Variants in SNX13 observed in about 807,000 individuals in gnomAD.
SNX13 encodes the protein sorting nexin 13, also known as sorting nexin-13.
SNX13 carries 45 observed loss-of-function variants against 133.6 expected under a neutral mutation model. That is an observed-to-expected ratio of 0.34 (90% CI 0.27 to 0.43). The LOEUF (loss-of-function observed/expected upper bound fraction) is 0.43, where lower values mean the gene tolerates loss of function less well. Among genes scored for constraint, SNX13 ranks in the 20% least tolerant of loss-of-function variants. The pLI is 1.00. For missense variants in SNX13, 1,032 were observed against 1,145.1 expected, an observed-to-expected ratio of 0.90 and a Z score of 1.43; for synonymous variants, 414 against 373.9, an observed-to-expected ratio of 1.11 and a Z score of -1.24.
Position 17,793,427 on chromosome 7 carries a change from TTTGA to T in SNX13, c.*614_*617del. ...ATAACAAATCCAATCAAATTCTGTG[TTTGA>T]TTGGTTTTATTTTATACTCAGCTTT... On this transcript the variant is annotated 3_prime_UTR_variant, in exon 26 of 26. Coordinates refer to ENST00000428135, the MANE Select transcript of SNX13 (RefSeq NM_015132.5). 6.6e-6 allele frequency: 1 copy of T among 151,944 alleles called. No homozygotes were observed. Among genetic ancestry groups the T allele is most frequent in the South Asian group, 2.1e-4 (1 of 4,824 alleles). The allele number at this position is 151,944 out of a possible 1,614,324, so 9.4% of individuals were successfully genotyped here.
rs1467821796 is a variant in SNX13, at chr7:17,868,487, T to C, written c.757A>G (p.Ile253Val). The C allele has an allele frequency of 1.2e-6, 2 of 1,600,980 alleles. No homozygotes were observed. The highest frequency in any genetic ancestry group is 1.7e-6 in the Non-Finnish European group (2 of 1,175,052). ...GGAAGAAGAATTCCTCGTGCAAGGA[T>C]TTCCTGAAAAAAAAGTAAATAACAA... is the stretch of plus-strand genomic sequence containing the variant. ...NKIMRYFVRE[I>V]LARGILLPLI... Residue 253 changes from isoleucine to valine, a missense_variant, in exon 9 of 26, where the codon ATC becomes GTC. Transcript: ENST00000428135.
chr7:17,883,688 T>C (rs1795632197), intron 5 of SNX13, among the ~76,000 whole-genome samples: 1 of 152,106 alleles, frequency 6.6e-6, no homozygotes, highest in Admixed American at 6.6e-5. Flanking sequence ...ATTAGGTACT[T>C]ATCCTAATGC....
chr7:17,798,956 G>T, intron 23 of SNX13, 53 bp downstream of exon 23: 1 of 1,557,138 alleles, frequency 6.4e-7, no homozygotes, highest in South Asian at 1.2e-5. Flanking sequence ...CCAGAAGTAA[G>T]AGTTTAATAG....
chr7:17,836,230 T>C (rs1789116320), intron 13 of SNX13, among the ~76,000 whole-genome samples: 1 of 151,884 alleles, frequency 6.6e-6, no homozygotes, highest in East Asian at 1.9e-4. Flanking sequence ...AAATAATACT[T>C]ATATGGCCAG....
intron 12 of SNX13, among the ~76,000 whole-genome samples, chr7:17,844,749 A>C (rs911158708): frequency 6.6e-6 from 1 of 151,824 alleles, no homozygotes; most frequent in African/African-American, 2.4e-5. Context: ...GAACATACAA[A>C]AAAAAAAAAA....
At chr7:17,871,120 C>G (rs1273970857) in intron 8 of SNX13, among the ~76,000 whole-genome samples, 5 of 151,980 alleles carry the variant, frequency 3.3e-5, no homozygotes, top group Non-Finnish European at 7.4e-5. Flanking sequence ...ATTCTCCTGC[C>G]TCAGCCTCCC....
chr7:17,930,600 A>T (rs1186531443), intron 1 of SNX13, among the ~76,000 whole-genome samples: 1 of 152,196 alleles, frequency 6.6e-6, no homozygotes, highest in Non-Finnish European at 1.5e-5. Flanking sequence ...AATACTCTCA[A>T]GTCTACTTGG....
chr7:17,894,473 A>G (rs1562484211), intron 2 of SNX13, among the ~76,000 whole-genome samples: 1 of 152,216 alleles, frequency 6.6e-6, no homozygotes, highest in East Asian at 1.9e-4. Context: ...CAGAATACAT[A>G]AAGGCTATTT....
intron 1 of SNX13, among the ~76,000 whole-genome samples, chr7:17,919,941 G>C (rs929778007): frequency 6.6e-6 from 1 of 152,022 alleles, no homozygotes; most frequent in African/African-American, 2.4e-5. Context: ...AACCAGCCTA[G>C]GCAACAGTGT....
chr7:17,920,843 T>C (rs1455100047), intron 1 of SNX13, among the ~76,000 whole-genome samples: 1 of 152,220 alleles, frequency 6.6e-6, no homozygotes, highest in Non-Finnish European at 1.5e-5. Flanking sequence ...GTGAAACCTA[T>C]AAATAGTTGC....
intron 12 of SNX13, among the ~76,000 whole-genome samples, chr7:17,844,802 T>A (rs1486701924): frequency 1.3e-5 from 2 of 151,072 alleles, no homozygotes; most frequent in Admixed American, 1.3e-4. Flanking sequence ...AAACACCACA[T>A]CTTAATTGAT....
intron 15 of SNX13, chr7:17,831,066 C>T (rs1788433158): frequency 1.0e-6 from 1 of 984,188 alleles, no homozygotes; most frequent in African/African-American, 1.8e-5. Flanking sequence ...CAATTATATG[C>T]CTCCTACCTC....
At chr7:17,857,340 T>C (rs1243121463) in intron 9 of SNX13, among the ~76,000 whole-genome samples, 1 of 152,186 alleles carries the variant, frequency 6.6e-6, no homozygotes. Flanking sequence ...TTCTATTCAA[T>C]GTTTCCAAAA....
intron 9 of SNX13, among the ~76,000 whole-genome samples, chr7:17,857,201 C>G (rs1168450431): frequency 6.6e-6 from 1 of 152,082 alleles, no homozygotes; most frequent in East Asian, 1.9e-4. Context: ...AATAGAAAAT[C>G]TGAACAGTCC....
intron 1 of SNX13, 145 bp downstream of exon 1, chr7:17,940,139 C>A (rs1351581353): frequency 6.4e-6 from 7 of 1,086,056 alleles, no homozygotes; most frequent in Non-Finnish European, 9.5e-6. Flanking sequence ...TCTGAGGGCA[C>A]TTGTAGGATC....
intron 22 of SNX13, among the ~76,000 whole-genome samples, chr7:17,800,590 G>C (rs912903063): frequency 2.0e-5 from 3 of 151,692 alleles, no homozygotes; most frequent in African/African-American, 7.3e-5. Context: ...CCCTGCAATA[G>C]GCACAGATAA....
chr7:17,890,844 G>C (rs1442081822), intron 4 of SNX13, among the ~76,000 whole-genome samples: 3 of 151,800 alleles, frequency 2.0e-5, no homozygotes, highest in Non-Finnish European at 2.9e-5. Context: ...AATGGAATGA[G>C]ATGTAAAATA....
At chr7:17,884,315 C>CACCT (rs1263708513) in intron 5 of SNX13, among the ~76,000 whole-genome samples, 2 of 152,108 alleles carry the variant, frequency 1.3e-5, no homozygotes, top group African/African-American at 4.8e-5. Flanking sequence ...AAGAAAATTA[C>CACCT]ATTTTACAAA....
At chr7:17,934,099 T>C (rs1801743020) in intron 1 of SNX13, among the ~76,000 whole-genome samples, 1 of 152,218 alleles carries the variant, frequency 6.6e-6, no homozygotes, top group South Asian at 2.1e-4. Context: ...TCACTATCAC[T>C]CCAGCCTATT....
Sources: gnomAD v4.1 joint callset for allele counts (sites outside exome capture counted in the v4.1 genomes callset) on GRCh38, gnomAD v4.1.1 for gene constraint, MANE v1.5 for transcripts, NCBI Gene and HGNC (gene_info 2026-07-23, HGNC 2026-07-21) for gene names.